UBR2: variants seen among roughly 807,000 people sequenced by gnomAD.
UBR2 encodes the protein E3 ubiquitin-protein ligase UBR2.
A neutral mutation model predicts 247.9 loss-of-function variants in UBR2; 92 were observed. That is an observed-to-expected ratio of 0.37 (90% CI 0.31 to 0.44). The LOEUF is 0.44. Ranked by LOEUF, UBR2 falls within the 20% of genes least tolerant of loss-of-function variation. The pLI is 1.00. For synonymous variants in UBR2, 672 were observed against 693.5 expected (o/e 0.97, Z 0.49); for missense variants, 1,613 against 2,112.6 (o/e 0.76, Z 4.64).
In UBR2 at chr6:42,686,125, A is replaced by AG. The variant is rs1436461480; in HGVS notation, c.4853+1261dup. On this transcript the variant is annotated intron_variant, in intron 44 of 46. Coordinates refer to ENST00000372901, the MANE Select transcript of UBR2 (RefSeq NM_001363705.2). ...TTGATCATTCTTGGGTGTTTCTCGGAGGGGGGGATTTGGCAGGGTCATAGG... is the reference window on the plus strand; with the variant it reads ...TTGATCATTCTTGGGTGTTTCTCGGAGGGGGGGGATTTGGCAGGGTCATAGG... 3.4e-5 allele frequency among the ~76,000 whole-genome samples: 5 copies of AG among 149,226 alleles called. No homozygotes were observed. In the East Asian group the frequency reaches 5.9e-4, roughly 18 times the overall value.
intron 43 of UBR2, among the ~76,000 whole-genome samples, chr6:42,684,187 CT>C (rs920552030): frequency 6.6e-6 from 1 of 152,136 alleles, no homozygotes; most frequent in Non-Finnish European, 1.5e-5. Flanking sequence ...TGAAAAAATA[CT>C]CAGGCCACTA....
At chr6:42,637,332 G>A (rs1433561080) in intron 15 of UBR2, 138 bp downstream of exon 15, 3 of 956,924 alleles carry the variant, frequency 3.1e-6, no homozygotes, top group Non-Finnish European at 4.5e-6. Flanking sequence ...TCATCACATC[G>A]TCCTGTGAAG....
chr6:42,680,948 G>A (rs1456246392), intron 42 of UBR2, among the ~76,000 whole-genome samples: 2 of 152,032 alleles, frequency 1.3e-5, no homozygotes, highest in Non-Finnish European at 2.9e-5. Context: ...CGGATCACGA[G>A]GTCAGGAGAT....
intron 11 of UBR2, among the ~76,000 whole-genome samples, chr6:42,630,773 T>C (rs916771958): frequency 6.6e-6 from 1 of 152,170 alleles, no homozygotes; most frequent in East Asian, 1.9e-4. Flanking sequence ...ATTCTTAGAC[T>C]TCTGTCTTCT....
intron 11 of UBR2, among the ~76,000 whole-genome samples, chr6:42,622,693 C>T (rs763316760): frequency 6.6e-6 from 1 of 151,802 alleles, no homozygotes; most frequent in African/African-American, 2.4e-5. Flanking sequence ...CCTGAGCCAC[C>T]GCACCTGGCC....
At chr6:42,592,052 G>A (rs568466280) in intron 2 of UBR2, 99 bp from the exon 3 acceptor site, 161 of 1,178,394 alleles carry the variant, frequency 1.4e-4, no homozygotes, top group African/African-American at 5.4e-4. Context: ...AAAACTTCAC[G>A]TTTTCATTCT....
chr6:42,606,367 A>G (rs993994257), intron 6 of UBR2, among the ~76,000 whole-genome samples: 4 of 152,238 alleles, frequency 2.6e-5, no homozygotes, highest in Non-Finnish European at 5.9e-5. Flanking sequence ...GATGCCTAAA[A>G]TAATAAATGT....
At chr6:42,627,139 G>T (rs1323550465) in intron 11 of UBR2, among the ~76,000 whole-genome samples, 1 of 152,144 alleles carries the variant, frequency 6.6e-6, no homozygotes, top group African/African-American at 2.4e-5. Context: ...ATGCTGATTG[G>T]TTGGGTCCAG....
At chr6:42,614,307 T>C (rs1794323396) in intron 8 of UBR2, among the ~76,000 whole-genome samples, 1 of 142,060 alleles carries the variant, frequency 7.0e-6, no homozygotes, top group Non-Finnish European at 1.5e-5. Context: ...TATATGTGCG[T>C]ATATGGGTAT....
chr6:42,641,257 A>C (rs1039074666), intron 16 of UBR2, among the ~76,000 whole-genome samples: 1 of 152,094 alleles, frequency 6.6e-6, no homozygotes, highest in African/African-American at 2.4e-5. Context: ...TGAGGTCAGG[A>C]GTTCAAGACC....
chr6:42,596,537 T>C (rs987301349), intron 4 of UBR2, among the ~76,000 whole-genome samples: 2 of 152,174 alleles, frequency 1.3e-5, no homozygotes, highest in African/African-American at 4.8e-5. Context: ...ACACACATGT[T>C]GTAGCAATGT....
intron 42 of UBR2, 58 bp from the exon 43 acceptor site, chr6:42,682,997 T>C: frequency 6.7e-7 from 1 of 1,501,158 alleles, no homozygotes. Context: ...GGGGAAAAAA[T>C]TCTAGTTCTA....
chr6:42,691,560 G>T lies in UBR2; in HGVS notation c.*387G>T. Reference sequence around the variant, plus strand: ...GGAACAAAGTCTCTGTGGTCTGTTGGGTCATACTTCCTGGTTCCACTGAGT... The same window carrying T: ...GGAACAAAGTCTCTGTGGTCTGTTGTGTCATACTTCCTGGTTCCACTGAGT... On this transcript the variant is annotated 3_prime_UTR_variant, in exon 47 of 47. Coordinates refer to ENST00000372901, the MANE Select transcript of UBR2 (RefSeq NM_001363705.2). The T allele has an allele frequency of 3.7e-6, 1 of 267,934 alleles. No individual in the cohort carries two copies. Among genetic ancestry groups the T allele is most frequent in the South Asian group, 3.8e-5 (1 of 26,178 alleles). The allele number at this position is 267,934 out of a possible 1,614,324, so 16.6% of individuals were successfully genotyped here.
At chr6:42,612,902 A>G (rs1381701528) in intron 8 of UBR2, among the ~76,000 whole-genome samples, 1 of 152,198 alleles carries the variant, frequency 6.6e-6, no homozygotes, top group Non-Finnish European at 1.5e-5. Flanking sequence ...GGAGTTCAAG[A>G]CCAGCCTGAC....
At position 42,612,178 on chromosome 6, in the gene UBR2, C is replaced by T; in HGVS notation, c.872C>T (p.Thr291Ile). Residue 291 changes from threonine to isoleucine, a missense_variant, in exon 8 of 47, where the codon ACC becomes ATC. Thr to Ile is a moderately conservative substitution (Grantham distance 89). Transcript: ENST00000372901. ...EQAKSVIVRN[T>I]SRQTKPLKVQ... ...TTGCCATTTCTTTTTAAGAGAAATA[C>T]CAGTAGACAGACAAAGCCACTCAAA... The T allele has an allele frequency of 6.6e-7, 1 of 1,524,892 alleles. No homozygotes were observed. The highest frequency in any genetic ancestry group is 8.9e-7 in the Non-Finnish European group (1 of 1,117,688). 94.5% of individuals were successfully genotyped at this position (1,524,892 alleles called of 1,614,324 possible). A position where few individuals can be genotyped will look rare whatever the true frequency, so the allele number is the denominator to read the frequency against.
At chr6:42,632,958 C>CTT (rs34284200) in intron 13 of UBR2, 54 bp downstream of exon 13, 9,244 of 641,458 alleles carry the variant, frequency 0.014, 11 homozygotes, top group Middle Eastern at 0.022. Flanking sequence ...TCTCTTTTCT[C>CTT]TTTTTTTTTT....
chr6:42,609,979 A>T (rs1375032553), intron 7 of UBR2, among the ~76,000 whole-genome samples: 1 of 151,918 alleles, frequency 6.6e-6, no homozygotes, highest in Non-Finnish European at 1.5e-5. Context: ...TTAAGATACC[A>T]CCTCACACCT....
At chr6:42,580,167 C>T (rs926246452) in intron 2 of UBR2, among the ~76,000 whole-genome samples, 1 of 151,906 alleles carries the variant, frequency 6.6e-6, no homozygotes, top group African/African-American at 2.4e-5. Context: ...ATCATGGGGC[C>T]TTCAGTATAA....
At chr6:42,626,454 C>T (rs968174351) in intron 11 of UBR2, among the ~76,000 whole-genome samples, 1 of 152,200 alleles carries the variant, frequency 6.6e-6, no homozygotes, top group Non-Finnish European at 1.5e-5. Context: ...AATGTATGCT[C>T]TCTTTTTACG....
Sources: gnomAD v4.1 joint callset for allele counts (sites outside exome capture counted in the v4.1 genomes callset) on GRCh38, gnomAD v4.1.1 for gene constraint, MANE v1.5 for transcripts, NCBI Gene and HGNC (gene_info 2026-07-23, HGNC 2026-07-21) for gene names.